UNC5C: variants seen among roughly 807,000 people sequenced by gnomAD.
The protein encoded by UNC5C is netrin receptor UNC5C.
In UNC5C, 47 loss-of-function variants were observed where a neutral mutation model predicts 99.8. The observed-to-expected ratio is 0.47, with a 90% CI of 0.37 to 0.60. The LOEUF is 0.60. Among genes scored for constraint, UNC5C ranks in the 20% least tolerant of loss-of-function variants. The probability of loss-of-function intolerance (pLI) is 0.00; values close to 1 mark genes in which losing one functional copy is unlikely to be tolerated. For synonymous variants in UNC5C, 487 were observed against 452.2 expected (o/e 1.08, Z -0.98); for missense variants, 1,062 against 1,165.9 (o/e 0.91, Z 1.30).
rs1157694413 is a variant in UNC5C at position 95,262,011 on chromosome 4, T to C, written c.595-11344A>G. 2.0e-5 allele frequency among the ~76,000 whole-genome samples: 3 copies of C among 152,328 alleles called. No homozygotes were observed. The East Asian group carries it at 5.8e-4, about 29-fold the overall frequency. The stretch of plus-strand genomic sequence containing the variant: ...GCCACTGCGCCCAGTCTGCATTCCT[T>C]CTTATAACTAATATCTCTAAGAACT... On this transcript the variant is annotated intron_variant, in intron 4 of 15. Transcript: ENST00000453304.
Position 95,206,779 on chromosome 4 carries a change from G to C in UNC5C, c.1751C>G (p.Ser584Cys). The change falls in exon 11 of 16, where the codon TCT (serine) becomes TGT (cysteine). Residue 584 changes from serine to cysteine, a missense_variant. This residue lies in a region of UNC5C where 810 missense variants were observed against 854.5 expected (regional missense o/e 0.95). Coordinates refer to ENST00000453304, the MANE Select transcript of UNC5C (RefSeq NM_003728.4). ...CACCACAGGGGTCAAAAGTGTCTGA[G>C]AGTCATCCATGGGTGGCCTAGGAGG... ...KETMRPPMDD[S>C]QTLLTPVVSC... 6.2e-7 allele frequency: 1 copy of C among 1,606,462 alleles called. No homozygotes were observed. Among genetic ancestry groups the C allele is most frequent in the Non-Finnish European group, 8.5e-7 (1 of 1,176,624 alleles).
At chr4:95,410,149 G>A in intron 1 of UNC5C, among the ~76,000 whole-genome samples, 1 of 152,098 alleles carries the variant, frequency 6.6e-6, no homozygotes, top group East Asian at 1.9e-4. Context: ...TGTAAGGAGG[G>A]TATTACTCCT....
intron 1 of UNC5C, among the ~76,000 whole-genome samples, chr4:95,374,162 T>C (rs1446603093): frequency 2.0e-5 from 3 of 152,132 alleles, no homozygotes; most frequent in African/African-American, 7.2e-5. Context: ...AGGAGAATAA[T>C]ATTTCAATGC....
chr4:95,477,875 A>C lies in UNC5C; in HGVS notation c.124+70859T>G, dbSNP rs79081077. Among the ~76,000 whole-genome samples, 1,305 of 152,070 alleles carry C rather than the reference A, an allele frequency of 8.6e-3. 22 individuals carry two copies. Among genetic ancestry groups the C allele is most frequent in the African/African-American group, 0.03 (1,234 of 41,522 alleles). ...TTTGGAGTTGGCTCACTTGGGTTGG[A>C]ATTTCATCTCTAGTGTCACCCTAAC... On this transcript the variant is annotated intron_variant, in intron 1 of 15. Transcript: ENST00000453304.
At position 95,528,761 on chromosome 4, in the gene UNC5C, A is replaced by G. The variant is rs531629559; in HGVS notation, c.124+19973T>C. Among the ~76,000 whole-genome samples the G allele has an allele frequency of 1.1e-4, 16 of 152,276 alleles. 1 individual carries two copies. In the East Asian group the frequency reaches 3.1e-3, roughly 29 times the overall value. On this transcript the variant is annotated intron_variant, in intron 1 of 15. Transcript: ENST00000453304. Reference sequence around the variant, plus strand: ...CTCCCCACTTCAAGGTAAAGACAAGAGCTGTTAAAAGGAGAGGCCCCAGGG... The same window carrying G: ...CTCCCCACTTCAAGGTAAAGACAAGGGCTGTTAAAAGGAGAGGCCCCAGGG...
At chr4:95,481,736 C>T (rs1721162695) in intron 1 of UNC5C, among the ~76,000 whole-genome samples, 1 of 152,074 alleles carries the variant, frequency 6.6e-6, no homozygotes, top group South Asian at 2.1e-4. Context: ...TTTGACGAAC[C>T]TGAGAAAAAC....
At chr4:95,470,713 A>G (rs1434214851) in intron 1 of UNC5C, among the ~76,000 whole-genome samples, 1 of 152,188 alleles carries the variant, frequency 6.6e-6, no homozygotes, top group Non-Finnish European at 1.5e-5. Flanking sequence ...CTTAACAAGC[A>G]TTTATAACTA....
At chr4:95,392,423 T>C (rs1394396584) in intron 1 of UNC5C, among the ~76,000 whole-genome samples, 1 of 97,078 alleles carries the variant, frequency 1.0e-5, no homozygotes, top group African/African-American at 4.4e-5. Context: ...GTTTGAAGTA[T>C]CAAAACATTT....
intron 1 of UNC5C, among the ~76,000 whole-genome samples, chr4:95,412,319 T>C (rs1009182258): frequency 3.3e-5 from 5 of 152,314 alleles, no homozygotes; most frequent in Admixed American, 6.5e-5. Context: ...GTATTTTCCA[T>C]GAAGAATGTG....
At chr4:95,544,336 A>T (rs1723003758) in intron 1 of UNC5C, among the ~76,000 whole-genome samples, 1 of 152,182 alleles carries the variant, frequency 6.6e-6, no homozygotes, top group Non-Finnish European at 1.5e-5. Flanking sequence ...AAATCTAAGT[A>T]AAATGCTGTT....
chr4:95,504,009 C>T (rs1378987354), intron 1 of UNC5C, among the ~76,000 whole-genome samples: 1 of 152,130 alleles, frequency 6.6e-6, no homozygotes, highest in South Asian at 2.1e-4. Flanking sequence ...TGTCATTAAT[C>T]AATCACCACT....
At chr4:95,500,661 C>G (rs887868229) in intron 1 of UNC5C, among the ~76,000 whole-genome samples, 5 of 152,096 alleles carry the variant, frequency 3.3e-5, no homozygotes, top group Non-Finnish European at 7.4e-5. Context: ...AGCTATTAGT[C>G]TACTAGGAAC....
Position 95,185,109 on chromosome 4 carries a change from G to T in UNC5C, c.2224C>A (p.Arg742Ser). ...LHFKGSTHNL[R>S]LSIHDIAHSL... ...TGGGCGATATCGTGAATTGACAGGC[G>T]CAGGTTGTGGGTGCTGCCTTTAAAA... Residue 742 changes from arginine (R) to serine (S), a missense_variant, in exon 13 of 16, where the codon CGC (arginine) becomes AGC (serine). Physicochemically the swap from Arg to Ser is moderately radical, Grantham distance 110. Around this residue, in one of 3 missense-constraint regions of UNC5C, gnomAD observed 810 missense variants for 854.5 expected, o/e 0.95. Transcript: ENST00000453304. 1.2e-6 allele frequency: 2 copies of T among 1,613,970 alleles called. No individual in the cohort carries two copies. Among genetic ancestry groups the T allele is most frequent in the Non-Finnish European group, 8.5e-7 (1 of 1,180,006 alleles).
intron 2 of UNC5C, among the ~76,000 whole-genome samples, chr4:95,328,040 CTTTTTTTTTTTTTTTTTTTTAATTTT>C (rs1742960453): frequency 1.1e-5 from 1 of 87,098 alleles, no homozygotes; most frequent in Non-Finnish European, 2.2e-5. Context: ...CAGGCAACTT[CTTTTTTTTTTTTTTTTTTTTAATTTT>C]TTTTTTTTTT....
chr4:95,227,126 A>G (rs1579247906), intron 7 of UNC5C, among the ~76,000 whole-genome samples: 1 of 146,228 alleles, frequency 6.8e-6, no homozygotes, highest in Non-Finnish European at 1.5e-5. Flanking sequence ...ACCTATATCC[A>G]CTTTAAAACA....
chr4:95,515,763 A>G (rs915691267), intron 1 of UNC5C, among the ~76,000 whole-genome samples: 5 of 152,194 alleles, frequency 3.3e-5, no homozygotes, highest in Non-Finnish European at 5.9e-5. Context: ...ACGAAGGTCA[A>G]TTTTGGCACA....
intron 1 of UNC5C, among the ~76,000 whole-genome samples, chr4:95,404,458 A>G (rs1490460479): frequency 6.6e-6 from 1 of 152,196 alleles, no homozygotes; most frequent in African/African-American, 2.4e-5. Flanking sequence ...ACCAAAGTGG[A>G]GCCAGGGTTC....
intron 12 of UNC5C, among the ~76,000 whole-genome samples, chr4:95,193,101 C>G (rs1228271056): frequency 6.6e-6 from 1 of 152,216 alleles, no homozygotes; most frequent in Non-Finnish European, 1.5e-5. Context: ...TAGCTTCTTT[C>G]TTTATATTGT....
intron 2 of UNC5C, among the ~76,000 whole-genome samples, chr4:95,312,928 G>A (rs905390581): frequency 1.3e-5 from 2 of 152,110 alleles, no homozygotes; most frequent in Non-Finnish European, 2.9e-5. Context: ...GTATGGTTTT[G>A]TTTAGCATTC....
Sources: allele counts gnomAD v4.1 joint callset (sites outside exome capture counted in the v4.1 genomes callset), GRCh38; gene constraint gnomAD v4.1.1; regional missense constraint gnomAD v4.1.1; transcripts MANE v1.5; gene names NCBI Gene and HGNC (gene_info 2026-07-23, HGNC 2026-07-21).